The following LEF1 variants were observed in gnomAD, a reference collection of about 807,000 sequenced individuals.
LEF1 encodes lymphoid enhancer-binding factor 1.
LEF1 carries 14 observed loss-of-function variants against 51.2 expected under a neutral mutation model. The observed-to-expected ratio is 0.27, with a 90% CI of 0.18 to 0.43. The LOEUF (loss-of-function observed/expected upper bound fraction) is 0.43, where lower values mean the gene tolerates loss of function less well. Ranked by LOEUF, LEF1 falls within the 20% of genes least tolerant of loss-of-function variation. The pLI is 1.00. For synonymous variants in LEF1, 185 were observed against 183.2 expected (o/e 1.01, Z -0.08); for missense variants, 386 against 512.0 (o/e 0.75, Z 2.37).
chr4:108,108,727 G>C (rs372912257), intron 3 of LEF1, among the ~76,000 whole-genome samples: 1 of 152,126 alleles, frequency 6.6e-6, no homozygotes, highest in Admixed American at 6.6e-5. Flanking sequence ...TTATTTATAA[G>C]ATACACATGC....
intron 7 of LEF1, 95 bp from the exon 8 acceptor site, chr4:108,078,477 A>G (rs765976861): frequency 1.3e-6 from 2 of 1,515,480 alleles, no homozygotes; most frequent in Non-Finnish European, 1.8e-6. Context: ...TCACATGGCT[A>G]CACTCAGGAT....
intron 3 of LEF1, among the ~76,000 whole-genome samples, chr4:108,161,716 A>G (rs1227619236): frequency 6.6e-6 from 1 of 152,114 alleles, no homozygotes; most frequent in African/African-American, 2.4e-5. Context: ...CATTATATTG[A>G]TTTTTTAAAA....
At chr4:108,164,368 T>C (rs1177016045) in intron 2 of LEF1, among the ~76,000 whole-genome samples, 1 of 152,200 alleles carries the variant, frequency 6.6e-6, no homozygotes, top group Non-Finnish European at 1.5e-5. Context: ...TATAATTCTC[T>C]TCCCTGCTCC....
rs540188819 is a variant in LEF1 at position 108,139,675 on chromosome 4, T to G, written c.414+23893A>C. Among the ~76,000 whole-genome samples the G allele has an allele frequency of 1.5e-3, 233 of 152,330 alleles. 1 individual carries two copies. Among genetic ancestry groups the G allele is most frequent in the African/African-American group, 5.3e-3 (220 of 41,566 alleles). On this transcript the variant is annotated intron_variant, in intron 3 of 11. Coordinates refer to ENST00000265165, the MANE Select transcript of LEF1 (RefSeq NM_016269.5). Reference sequence around the variant, plus strand: ...CAAGAATGAAATATGTGCTGCCATTTTGTGAGAGACCTTTAGGGACGTTAA... The same window carrying G: ...CAAGAATGAAATATGTGCTGCCATTGTGTGAGAGACCTTTAGGGACGTTAA...
At chr4:108,088,753 C>A (rs1289981756) in intron 4 of LEF1, among the ~76,000 whole-genome samples, 1 of 39,288 alleles carries the variant, frequency 2.5e-5, no homozygotes, top group Non-Finnish European at 7.5e-5. Flanking sequence ...AATAAATCTC[C>A]TACTTTCCCC....
chr4:108,114,125 A>G (rs746207385), intron 3 of LEF1, among the ~76,000 whole-genome samples: 19 of 152,220 alleles, frequency 1.2e-4, no homozygotes, highest in South Asian at 6.2e-4. Context: ...TTAAGTCAGT[A>G]GTTACAGTCA....
intron 3 of LEF1, among the ~76,000 whole-genome samples, chr4:108,107,791 A>T (rs1442334754): frequency 6.6e-6 from 1 of 151,838 alleles, no homozygotes; most frequent in African/African-American, 2.4e-5. Flanking sequence ...CCGCCCCCCA[A>T]CATGCTGCTT....
chr4:108,134,335 T>C (rs1456893430), intron 3 of LEF1, among the ~76,000 whole-genome samples: 2 of 152,216 alleles, frequency 1.3e-5, no homozygotes, highest in Non-Finnish European at 2.9e-5. Flanking sequence ...TTCTCCCTTA[T>C]CCACTGTGCC....
intron 1 of LEF1, chr4:108,166,528 T>C (rs1417548418): frequency 7.6e-7 from 1 of 1,310,054 alleles, no homozygotes; most frequent in Non-Finnish European, 9.7e-7. Flanking sequence ...CAGTGGAGTG[T>C]CGGGTATCAG....
At chr4:108,156,102 T>G (rs1318205345) in intron 3 of LEF1, among the ~76,000 whole-genome samples, 1 of 152,210 alleles carries the variant, frequency 6.6e-6, no homozygotes, top group Non-Finnish European at 1.5e-5. Flanking sequence ...TGAAGATGGT[T>G]TTCTTTTTAC....
chr4:108,153,230 C>T (rs1162116438), intron 3 of LEF1, among the ~76,000 whole-genome samples: 1 of 152,208 alleles, frequency 6.6e-6, no homozygotes, highest in Admixed American at 6.5e-5. Context: ...CCAGCTTGCC[C>T]AAACATGGGT....
chr4:108,105,621 T>C (rs1436462616), intron 3 of LEF1, among the ~76,000 whole-genome samples: 1 of 152,248 alleles, frequency 6.6e-6, no homozygotes, highest in Non-Finnish European at 1.5e-5. Flanking sequence ...TTAATTTTAA[T>C]AATGTTTCAA....
chr4:108,088,424 G>C (rs1739788187), intron 4 of LEF1, among the ~76,000 whole-genome samples: 1 of 152,200 alleles, frequency 6.6e-6, no homozygotes, highest in South Asian at 2.1e-4. Context: ...ATCCATCCTT[G>C]AGGTTTGCGC....
intron 6 of LEF1, among the ~76,000 whole-genome samples, chr4:108,080,735 G>GA (rs1056393878): frequency 2.7e-5 from 4 of 150,744 alleles, no homozygotes; most frequent in African/African-American, 4.9e-5. Flanking sequence ...ACAACTCACT[G>GA]AAAAAAAAAG....
chr4:108,118,067 G>A (rs951738763), intron 3 of LEF1, among the ~76,000 whole-genome samples: 1 of 152,174 alleles, frequency 6.6e-6, no homozygotes, highest in Non-Finnish European at 1.5e-5. Context: ...AGGGAGTGGG[G>A]AGTGACGAGG....
chr4:108,156,673 A>G (rs561371224), intron 3 of LEF1, among the ~76,000 whole-genome samples: 1 of 152,324 alleles, frequency 6.6e-6, no homozygotes, highest in African/African-American at 2.4e-5. Flanking sequence ...ATGGTAACTG[A>G]TTACTAGATG....
At chr4:108,088,697 G>T (rs1380560001) in intron 4 of LEF1, among the ~76,000 whole-genome samples, 1 of 151,974 alleles carries the variant, frequency 6.6e-6, no homozygotes, top group Non-Finnish European at 1.5e-5. Flanking sequence ...AACAAAAGAT[G>T]AAACACCATA....
intron 3 of LEF1, among the ~76,000 whole-genome samples, chr4:108,157,409 G>C (rs769025573): frequency 2.0e-5 from 3 of 152,046 alleles, no homozygotes; most frequent in Non-Finnish European, 4.4e-5. Context: ...GGTCAGGCTG[G>C]TCTCAAACTC....
At position 108,047,687 on chromosome 4, in the gene LEF1, C is replaced by A. The variant is rs1335119691; in HGVS notation, c.*1071G>T. ...TTGCTTTTTTAAAAAATGGGTACAT[C>A]AATGCTCATTTTAACAACTGGCATA... is the stretch of plus-strand genomic sequence containing the variant. On this transcript the variant is annotated 3_prime_UTR_variant, in exon 12 of 12. Transcript: ENST00000265165. 1 of 152,628 alleles carries A rather than the reference C, an allele frequency of 6.6e-6. No homozygotes were observed. Among genetic ancestry groups the A allele is most frequent in the East Asian group, 1.9e-4 (1 of 5,200 alleles). The allele number at this position is 152,628 out of a possible 1,614,324, so 9.5% of individuals were successfully genotyped here. A position where few individuals can be genotyped will look rare whatever the true frequency, so the allele number is the denominator to read the frequency against.
Sources: gnomAD v4.1 joint callset for allele counts (sites outside exome capture counted in the v4.1 genomes callset) on GRCh38, gnomAD v4.1.1 for gene constraint, MANE v1.5 for transcripts, NCBI Gene and HGNC (gene_info 2026-07-23, HGNC 2026-07-21) for gene names.